The following RALGPS1 variants were observed in gnomAD, a reference collection of about 807,000 sequenced individuals.
RALGPS1 encodes Ral GEF with PH domain and SH3 binding motif 1.
In RALGPS1, 19 loss-of-function variants were observed where a neutral mutation model predicts 78.8. The ratio of observed to expected loss-of-function variants is 0.24; its 90% confidence interval spans 0.17 to 0.35. The LOEUF (loss-of-function observed/expected upper bound fraction) is 0.35, where lower values mean the gene tolerates loss of function less well. Among genes scored for constraint, RALGPS1 ranks in the 10% least tolerant of loss-of-function variants. The pLI is 1.00. For synonymous variants in RALGPS1, 228 were observed against 256.3 expected (o/e 0.89, Z 1.06); for missense variants, 454 against 688.3 (o/e 0.66, Z 3.81).
chr9:127,177,851 T>C (rs1184260848), intron 11 of RALGPS1: 2 of 1,547,376 alleles, frequency 1.3e-6, no homozygotes, highest in South Asian at 2.4e-5. Flanking sequence ...ACAGCCTCCT[T>C]TCCCACAATC....
intron 1 of RALGPS1, among the ~76,000 whole-genome samples, chr9:126,934,657 A>G (rs2036098037): frequency 1.3e-5 from 2 of 152,164 alleles, no homozygotes; most frequent in South Asian, 4.1e-4. Context: ...TTCTCCTGTC[A>G]ACGGTTTTTT....
Position 127,124,564 on chromosome 9 carries a change from G to T in RALGPS1, c.611-41505G>T, listed in dbSNP as rs1355934566. Among the ~76,000 whole-genome samples the T allele has an allele frequency of 2.6e-5, 4 of 152,292 alleles. No individual in the cohort carries two copies. The East Asian group carries it at 7.7e-4, about 29-fold the overall frequency. The stretch of plus-strand genomic sequence containing the variant: ...GCCCCATGCGTATAATAAGATGGTG[G>T]TTTTAGGCCGCTAAATTTTGGTGGT... On this transcript the variant is annotated intron_variant, in intron 8 of 18. Transcript: ENST00000259351.
intron 1 of RALGPS1, among the ~76,000 whole-genome samples, chr9:126,922,529 T>G (rs779211077): frequency 6.6e-6 from 1 of 152,252 alleles, no homozygotes; most frequent in African/African-American, 2.4e-5. Context: ...TTGCTGTGTC[T>G]TTCTCTGGCA....
intron 7 of RALGPS1, among the ~76,000 whole-genome samples, chr9:127,057,727 T>C (rs1026849643): frequency 2.0e-5 from 3 of 152,230 alleles, no homozygotes; most frequent in African/African-American, 7.2e-5. Flanking sequence ...ACCGTGTGGC[T>C]GTTATTCATT....
In RALGPS1 at chr9:127,211,297, A is replaced by G. The variant is rs2062240922; in HGVS notation, c.1248-834A>G. On this transcript the variant is annotated intron_variant, in intron 14 of 18. Coordinates refer to ENST00000259351, the MANE Select transcript of RALGPS1 (RefSeq NM_014636.3). The surrounding 1 kb of genome is among the most constrained non-coding windows in gnomAD (Gnocchi z 5.0). ...GGAGGAGAGGAGAGGGGGAGGGTGG[A>G]GGCACTGGCCGGTGTGGACCCAGGA... Among the ~76,000 whole-genome samples, 1 of 152,010 alleles carries G rather than the reference A, an allele frequency of 6.6e-6. No homozygotes were observed. Among genetic ancestry groups the G allele is most frequent in the Admixed American group, 6.6e-5 (1 of 15,266 alleles).
intron 8 of RALGPS1, among the ~76,000 whole-genome samples, chr9:127,140,234 C>T (rs989049082): frequency 6.6e-6 from 1 of 152,204 alleles, no homozygotes; most frequent in African/African-American, 2.4e-5. Flanking sequence ...GACTTTGGGG[C>T]ACCCTGGAAG....
At chr9:127,084,718 C>G (rs1042207825) in intron 8 of RALGPS1, among the ~76,000 whole-genome samples, 15 of 152,280 alleles carry the variant, frequency 9.9e-5, no homozygotes, top group Non-Finnish European at 1.9e-4. Context: ...TTCTATACTT[C>G]TCACACAGTG....
intron 4 of RALGPS1, among the ~76,000 whole-genome samples, chr9:126,997,567 T>G (rs995334317): frequency 6.6e-6 from 1 of 152,154 alleles, no homozygotes; most frequent in African/African-American, 2.4e-5. Context: ...GTAGGAAGAA[T>G]CAATATCGTG....
At chr9:127,128,122 C>A (rs2056760590) in intron 8 of RALGPS1, among the ~76,000 whole-genome samples, 1 of 147,302 alleles carries the variant, frequency 6.8e-6, no homozygotes, top group African/African-American at 2.5e-5. Flanking sequence ...TCTTGTGTTA[C>A]TTTGTTGAGA....
chr9:127,106,178 T>C (rs1255299548), intron 8 of RALGPS1, among the ~76,000 whole-genome samples: 4 of 152,226 alleles, frequency 2.6e-5, no homozygotes, highest in Non-Finnish European at 5.9e-5. Context: ...AGGAGATCTG[T>C]TGAGTAACCA....
rs1021867009 is a variant in RALGPS1 at position 127,222,217 on chromosome 9, T to G, written c.*3448T>G. 3.9e-5 allele frequency: 6 copies of G among 152,238 alleles called. No individual in the cohort carries two copies. The highest frequency in any genetic ancestry group is 2.9e-5 in the Non-Finnish European group (2 of 68,070). 9.4% of individuals were successfully genotyped at this position (152,238 alleles called of 1,614,324 possible). ...CCACACCTATCTCCTTAGGCAAGAC[T>G]TTGCCTCTCTCCTAGTCCTGAGTAT... On this transcript the variant is annotated 3_prime_UTR_variant, in exon 19 of 19. Transcript: ENST00000259351.
intron 4 of RALGPS1, among the ~76,000 whole-genome samples, chr9:127,018,678 A>ATAG (rs1398700844): frequency 2.6e-5 from 4 of 150,958 alleles, no homozygotes; most frequent in Non-Finnish European, 4.4e-5. Flanking sequence ...AATAATAATA[A>ATAG]TAACGATGAA....
chr9:127,033,412 A>C (rs568097767), intron 4 of RALGPS1, among the ~76,000 whole-genome samples: 2 of 152,040 alleles, frequency 1.3e-5, no homozygotes, highest in South Asian at 2.1e-4. Context: ...GGCTGTTCCT[A>C]CTGCTCCCCT....
At chr9:127,050,992 A>C (rs758034197) in intron 6 of RALGPS1, among the ~76,000 whole-genome samples, 14 of 152,156 alleles carry the variant, frequency 9.2e-5, no homozygotes, top group Non-Finnish European at 1.9e-4. Context: ...GAACTTAGAG[A>C]GGTGAAGTGT....
chr9:126,922,795 C>T (rs560681808), intron 1 of RALGPS1, among the ~76,000 whole-genome samples: 6 of 152,330 alleles, frequency 3.9e-5, no homozygotes, highest in African/African-American at 1.4e-4. Context: ...GTATTCAGGG[C>T]CTACCCCAGG....
At chr9:127,166,982 G>A (rs1206829985) in intron 9 of RALGPS1, among the ~76,000 whole-genome samples, 2 of 151,336 alleles carry the variant, frequency 1.3e-5, no homozygotes, top group African/African-American at 2.4e-5. Flanking sequence ...AATTAGCACT[G>A]ATGAGCAGGC....
intron 1 of RALGPS1, 51 bp from the exon 2 acceptor site, chr9:126,962,174 G>A: frequency 1.0e-6 from 1 of 969,046 alleles, no homozygotes; most frequent in Non-Finnish European, 1.6e-6. Context: ...CCTGGGGGTG[G>A]GGATAAATTT....
At chr9:126,982,840 CCTT>C (rs2041391440) in intron 4 of RALGPS1, among the ~76,000 whole-genome samples, 1 of 121,628 alleles carries the variant, frequency 8.2e-6, no homozygotes, top group African/African-American at 2.6e-5. Context: ...TCTTCTTCTT[CCTT>C]CTTTCTTCCT....
At chr9:126,966,316 C>T (rs945870173) in intron 3 of RALGPS1, among the ~76,000 whole-genome samples, 2 of 151,916 alleles carry the variant, frequency 1.3e-5, no homozygotes, top group East Asian at 1.9e-4. Context: ...CCCAGGAGTT[C>T]GAGATCAGCC....
Sources: allele counts gnomAD v4.1 joint callset (sites outside exome capture counted in the v4.1 genomes callset), GRCh38; gene constraint gnomAD v4.1.1; non-coding constraint Gnocchi (gnomAD v3.1); transcripts MANE v1.5; gene names NCBI Gene and HGNC (gene_info 2026-07-23, HGNC 2026-07-21).